INTS6: variants seen among roughly 807,000 people sequenced by gnomAD.
INTS6 encodes integrator complex subunit 6.
In INTS6, 16 loss-of-function variants were observed where a neutral mutation model predicts 104.9. That is an observed-to-expected ratio of 0.15 (90% CI 0.10 to 0.23). The LOEUF is 0.23. Among genes scored for constraint, INTS6 ranks in the 10% least tolerant of loss-of-function variants. INTS6 has a pLI of 1.00. For synonymous variants in INTS6, 324 were observed against 358.7 expected, an observed-to-expected ratio of 0.90 and a Z score of 1.09; for missense variants, 584 against 1,062.8, an observed-to-expected ratio of 0.55 and a Z score of 6.26.
chr13:51,384,541 C>T, intron 7 of INTS6: 1 of 439,140 alleles, frequency 2.3e-6, no homozygotes, highest in South Asian at 1.6e-5. Context: ...TATTTCTCTG[C>T]TGTATCTAAC....
At chr13:51,428,130 C>T (rs766989048) in intron 4 of INTS6, among the ~76,000 whole-genome samples, 4 of 152,078 alleles carry the variant, frequency 2.6e-5, no homozygotes, top group African/African-American at 4.8e-5. Flanking sequence ...TGCATCACCT[C>T]GCACATAAGA....
At chr13:51,365,879 T>C in intron 17 of INTS6, 34 bp from the exon 18 acceptor site, 1 of 1,288,212 alleles carries the variant, frequency 7.8e-7, no homozygotes, top group Non-Finnish European at 1.1e-6. Context: ...TCTCAATTAC[T>C]TTTTAATGAA....
At chr13:51,361,414 T>C, downstream of INTS6, 1 of 1,142,574 alleles carries the variant, frequency 8.8e-7, no homozygotes, top group Non-Finnish European at 1.3e-6. Flanking sequence ...TCTACCTTTC[T>C]GAAATTTACC....
chr13:51,360,091 ATTCT>A (rs1955545884), downstream of INTS6, among the ~76,000 whole-genome samples: 1 of 152,080 alleles, frequency 6.6e-6, no homozygotes. Context: ...AATGCCGCAT[ATTCT>A]TTATTTTGGT....
intron 5 of INTS6, among the ~76,000 whole-genome samples, chr13:51,392,234 C>A (rs1042791342): frequency 6.6e-6 from 1 of 152,228 alleles, no homozygotes; most frequent in African/African-American, 2.4e-5. Flanking sequence ...TCACATCATA[C>A]TTGGAATATA....
At chr13:51,387,086 C>T (rs543707120) in intron 7 of INTS6, among the ~76,000 whole-genome samples, 120 of 152,212 alleles carry the variant, frequency 7.9e-4, no homozygotes, top group African/African-American at 2.7e-3. Context: ...GTCCCAGAGA[C>T]AAATCCTCAT....
chr13:51,448,779 T>G (rs976151504), intron 3 of INTS6: 1 of 152,208 alleles, frequency 6.6e-6, no homozygotes, highest in Non-Finnish European at 1.5e-5. Flanking sequence ...TCTTTTCTCA[T>G]TTCCTTCAAC....
At chr13:51,371,865 C>G (rs1284278785) in intron 15 of INTS6, among the ~76,000 whole-genome samples, 1 of 152,128 alleles carries the variant, frequency 6.6e-6, no homozygotes, top group Non-Finnish European at 1.5e-5. Context: ...AACTAAATTG[C>G]ACACACCCTC....
chr13:51,359,468 A>T (rs867839647), downstream of INTS6, among the ~76,000 whole-genome samples: 2 of 152,228 alleles, frequency 1.3e-5, no homozygotes, highest in Middle Eastern at 3.4e-3. Context: ...ATAAATGTCA[A>T]TTATTGGACC....
Position 51,374,301 on chromosome 13 carries a change from G to T in INTS6, c.2011C>A (p.Pro671Thr), listed in dbSNP as rs375704839. The T allele has an allele frequency of 2.9e-5, 47 of 1,613,874 alleles. No individual in the cohort carries two copies. Among genetic ancestry groups the T allele is most frequent in the Non-Finnish European group, 3.9e-5 (46 of 1,179,888 alleles). Residue 671 changes from proline (P) to threonine (T), a missense_variant, in exon 15 of 18, where the codon CCT (proline) becomes ACT (threonine). Transcript: ENST00000311234. ...SPLLRGRQQN[P>T]VVNNHIGGKG... ...CCCCCAATATGATTGTTTACAACAG[G>T]ATTCTGCTGTCTGCCTCTTAGTAGT...
rs964668013 is a variant in INTS6 at position 51,452,599 on chromosome 13, G to A, written c.-74C>T. 2.3e-5 allele frequency: 35 copies of A among 1,548,392 alleles called. No individual in the cohort carries two copies. In the African/African-American group the frequency reaches 4.0e-4, roughly 18 times the overall value. On this transcript the variant is annotated 5_prime_UTR_variant, in exon 1 of 18. Coordinates refer to ENST00000311234, the MANE Select transcript of INTS6 (RefSeq NM_012141.3). This position sits in a 1 kb window ranked among gnomAD's most constrained non-coding sequence, Gnocchi z 4.2. ...TGGTAGAGGTGGAGGCGCCGGTGGC[G>A]GCGACCGCCGCTACGCGGGGCGGGG...
intron 7 of INTS6, chr13:51,384,687 T>C: frequency 4.4e-6 from 2 of 456,730 alleles, no homozygotes; most frequent in Non-Finnish European, 4.4e-6. Context: ...TCATCCTCCA[T>C]ATTTAACTGT....
chr13:51,447,387 C>T (rs1162188339), intron 3 of INTS6: 1 of 152,076 alleles, frequency 6.6e-6, no homozygotes, highest in Non-Finnish European at 1.5e-5. Context: ...CCTAAGTTTA[C>T]AAAATAGACC....
intron 13 of INTS6, among the ~76,000 whole-genome samples, chr13:51,375,608 A>G (rs1857935082): frequency 6.6e-6 from 1 of 152,184 alleles, no homozygotes; most frequent in Non-Finnish European, 1.5e-5. Context: ...AAAGGTGAAG[A>G]AGGAATTATC....
chr13:51,403,412 C>T (rs992612964), intron 4 of INTS6, among the ~76,000 whole-genome samples: 2 of 151,878 alleles, frequency 1.3e-5, no homozygotes, highest in African/African-American at 4.8e-5. Context: ...GAAACCCCAT[C>T]TCTACTAAAA....
downstream of INTS6, among the ~76,000 whole-genome samples, chr13:51,357,658 G>A (rs1418618181): frequency 6.6e-6 from 1 of 151,936 alleles, no homozygotes; most frequent in Non-Finnish European, 1.5e-5. Context: ...GCTGAAACCA[G>A]AGTGTAGTTC....
At chr13:51,441,979 C>G (rs1952806958) in intron 3 of INTS6, 1 of 152,060 alleles carries the variant, frequency 6.6e-6, no homozygotes, top group Admixed American at 6.6e-5. Flanking sequence ...CACCACCATG[C>G]CTGGCTAATA....
At chr13:51,418,521 C>CA (rs1408573802) in intron 4 of INTS6, among the ~76,000 whole-genome samples, 2 of 151,694 alleles carry the variant, frequency 1.3e-5, no homozygotes, top group African/African-American at 2.4e-5. Context: ...GATCCTGTCT[C>CA]AAAAAAAATT....
At position 51,369,175 on chromosome 13, in the gene INTS6, C is replaced by T. The variant is rs1955752812; in HGVS notation, c.2240G>A (p.Arg747Gln). 2 of 1,613,790 alleles carry T rather than the reference C, an allele frequency of 1.2e-6. No homozygotes were observed. Among genetic ancestry groups the T allele is most frequent in the Non-Finnish European group, 1.7e-6 (2 of 1,179,826 alleles). Reference sequence around the variant, plus strand: ...AAGAGCCTCCATATGATTGGTTGGCCGTTCCAGTAAACTGGCTGGAGAAGA... The same window carrying T: ...AAGAGCCTCCATATGATTGGTTGGCTGTTCCAGTAAACTGGCTGGAGAAGA... ...SASSPASLLE[R>Q]PTNHMEALGH... is the part of the protein sequence containing the mutation. The change falls in exon 16 of 18, where the codon CGG (arginine) becomes CAG (glutamine). Residue 747 changes from arginine (R) to glutamine (Q), a missense_variant. Arg to Gln is a conservative substitution (Grantham distance 43). Around this residue, in one of 5 missense-constraint regions of INTS6, gnomAD observed 296 missense variants for 437.0 expected, o/e 0.68. Coordinates refer to ENST00000311234, the MANE Select transcript of INTS6 (RefSeq NM_012141.3).
Sources: gnomAD v4.1 joint callset for allele counts (sites outside exome capture counted in the v4.1 genomes callset) on GRCh38, gnomAD v4.1.1 for gene constraint, gnomAD v4.1.1 regional missense constraint, Gnocchi (gnomAD v3.1) non-coding constraint, MANE v1.5 for transcripts, NCBI Gene and HGNC (gene_info 2026-07-23, HGNC 2026-07-21) for gene names.